ZNF536: variants seen among roughly 807,000 people sequenced by gnomAD.
ZNF536 encodes the protein zinc finger protein 536.
Under a neutral mutation model 84.5 loss-of-function variants are expected in ZNF536, and 13 were observed. The ratio of observed to expected loss-of-function variants is 0.15; its 90% confidence interval spans 0.10 to 0.24. ZNF536 has a LOEUF of 0.24. Among genes scored for constraint, ZNF536 ranks in the 10% least tolerant of loss-of-function variants. ZNF536 has a pLI of 1.00. For synonymous variants in ZNF536, 811 were observed against 742.5 expected (o/e 1.09, Z -1.50); for missense variants, 1,536 against 1,747.5 (o/e 0.88, Z 2.16).
intron 1 of ZNF536, among the ~76,000 whole-genome samples, chr19:30,640,311 C>G (rs1208302914): frequency 6.6e-6 from 1 of 151,956 alleles, no homozygotes; most frequent in African/African-American, 2.4e-5. Flanking sequence ...TTTCATGCAG[C>G]TTTTCTAGTT....
At chr19:30,395,923 T>C (rs2049796527) in intron 1 of ZNF536, among the ~76,000 whole-genome samples, 1 of 152,176 alleles carries the variant, frequency 6.6e-6, no homozygotes, top group African/African-American at 2.4e-5. Flanking sequence ...TCCTCGCTAT[T>C]AACATCCCCC....
chr19:30,601,178 A>C (rs1166860620), intron 1 of ZNF536, among the ~76,000 whole-genome samples: 2 of 152,308 alleles, frequency 1.3e-5, no homozygotes, highest in Admixed American at 1.3e-4. Context: ...TTTATTTGAC[A>C]TATGGGGAAA....
At chr19:30,271,299 C>CT (rs781528411) in intron 1 of ZNF536, among the ~76,000 whole-genome samples, 24,868 of 111,264 alleles carry the variant, frequency 0.22, 2,946 homozygotes, top group Non-Finnish European at 0.32. Flanking sequence ...TTTTTCTTTT[C>CT]TTTTTTTTTT....
Position 30,445,421 on chromosome 19 carries a change from T to C in ZNF536, c.1859T>C (p.Leu620Pro). 1 of 1,614,058 alleles carries C rather than the reference T, an allele frequency of 6.2e-7. No homozygotes were observed. Residue 620 changes from leucine (L) to proline (P), a missense_variant, in exon 2 of 5, where the codon CTG becomes CCG. This residue lies in a region of ZNF536 where 366 missense variants were observed against 364.4 expected (regional missense o/e 1.00). Transcript: ENST00000355537. The surrounding 1 kb of genome is among the most constrained non-coding windows in gnomAD (Gnocchi z 4.5). ...CTGAACCAGACTCTCGAGTATAACC[T>C]GCAGGGTCCTGGGAACATGAAGGAG... is the stretch of plus-strand genomic sequence containing the variant. ...HGLNQTLEYNLQGPGNMKEKP... is the reference protein window; with the variant it reads ...HGLNQTLEYNPQGPGNMKEKP...
rs2148215189 is a variant in ZNF536, at chr19:30,445,203, C to T, written c.1641C>T (p.Asn547=). 6.2e-7 allele frequency: 1 copy of T among 1,614,198 alleles called. No homozygotes were observed. Among genetic ancestry groups the T allele is most frequent in the Non-Finnish European group, 8.5e-7 (1 of 1,180,038 alleles). ...FLSKEHPLQR[N]HEDTLANAGV... ...CTAAAGAGCATCCGCTGCAGCGCAA[C>T]CACGAAGACACTTTGGCAAACGCCG... Residue 547 remains asparagine, a synonymous_variant, in exon 2 of 5, where the codon AAC becomes AAT. Transcript: ENST00000355537. This position sits in a 1 kb window ranked among gnomAD's most constrained non-coding sequence, Gnocchi z 4.5.
In ZNF536 at chr19:30,507,895, A is replaced by G. The variant is rs140566945; in HGVS notation, c.2171-26952A>G. 3.5e-4 allele frequency among the ~76,000 whole-genome samples: 53 copies of G among 152,200 alleles called. No individual in the cohort carries two copies. The East Asian group carries it at 7.3e-3, about 21-fold the overall frequency. On this transcript the variant is annotated intron_variant, in intron 2 of 4. Coordinates refer to ENST00000355537, the MANE Select transcript of ZNF536 (RefSeq NM_014717.3). ...GCCCATGCTTTTTTCTTTCTCAGGT[A>G]TTATCACATTTAGTTATCTGAGTAA...
chr19:30,285,254 C>T (rs1388931566), intron 2 of ZNF536, among the ~76,000 whole-genome samples: 3 of 152,086 alleles, frequency 2.0e-5, no homozygotes, highest in African/African-American at 7.2e-5. Flanking sequence ...GATTTTTTCC[C>T]CTTTAACATA....
chr19:30,638,822 C>T (rs1387120634), intron 1 of ZNF536, among the ~76,000 whole-genome samples: 1 of 152,198 alleles, frequency 6.6e-6, no homozygotes, highest in Non-Finnish European at 1.5e-5. Context: ...GAACAGGACA[C>T]ATTGCTGTAT....
intron 1 of ZNF536, among the ~76,000 whole-genome samples, chr19:30,411,088 C>T (rs1005728719): frequency 6.6e-6 from 1 of 151,950 alleles, no homozygotes; most frequent in African/African-American, 2.4e-5. Context: ...ATTCTTTCTC[C>T]AATTAAAAAA....
intron 1 of ZNF536, among the ~76,000 whole-genome samples, chr19:30,389,417 A>G (rs1423184391): frequency 6.6e-6 from 1 of 151,694 alleles, no homozygotes; most frequent in Non-Finnish European, 1.5e-5. Context: ...AGACCCTTGT[A>G]AAAAAAAATT....
At chr19:30,356,442 A>C (rs2048098671) in intron 3 of ZNF536, among the ~76,000 whole-genome samples, 1 of 152,212 alleles carries the variant, frequency 6.6e-6, no homozygotes, top group South Asian at 2.1e-4. Flanking sequence ...TCCTTCCTGC[A>C]GCAGTAATTA....
At chr19:30,347,680 G>T (rs574832550) in intron 2 of ZNF536, among the ~76,000 whole-genome samples, 2 of 152,330 alleles carry the variant, frequency 1.3e-5, no homozygotes, top group South Asian at 4.1e-4. Context: ...TAGTAGGATT[G>T]CACTGAGGTA....
At chr19:30,344,554 T>C (rs1036220) in intron 2 of ZNF536, among the ~76,000 whole-genome samples, 86,482 of 151,210 alleles carry the variant, frequency 0.57, 25,172 homozygotes, top group East Asian at 0.81. Flanking sequence ...GCACTGGATC[T>C]TGTGCCTTGG....
chr19:30,569,010 G>A (rs374866748), intron 1 of ZNF536, among the ~76,000 whole-genome samples: 13 of 152,254 alleles, frequency 8.5e-5, no homozygotes, highest in African/African-American at 2.9e-4. Context: ...TTAATGCGAT[G>A]AGCTGGTAGC....
chr19:30,339,003 G>A (rs2047477819), intron 2 of ZNF536, among the ~76,000 whole-genome samples: 1 of 152,072 alleles, frequency 6.6e-6, no homozygotes. Context: ...TGTCAGCTTG[G>A]TCCCTCCTCT....
At chr19:30,689,903 G>A (rs1029224544) in intron 1 of ZNF536, among the ~76,000 whole-genome samples, 1 of 152,212 alleles carries the variant, frequency 6.6e-6, no homozygotes, top group African/African-American at 2.4e-5. Context: ...ACCAGAAAGT[G>A]AAAATTTCAG....
chr19:30,571,240 A>G (rs956386003), intron 1 of ZNF536, among the ~76,000 whole-genome samples: 4 of 152,106 alleles, frequency 2.6e-5, no homozygotes, highest in African/African-American at 9.7e-5. Flanking sequence ...TCAAAAGTCT[A>G]GTTCAAGCTG....
chr19:30,321,076 C>T (rs2046840174), intron 2 of ZNF536, among the ~76,000 whole-genome samples: 1 of 152,166 alleles, frequency 6.6e-6, no homozygotes, highest in Non-Finnish European at 1.5e-5. Context: ...GGCTCTGGCT[C>T]CAGGGTCAGG....
intron 1 of ZNF536, among the ~76,000 whole-genome samples, chr19:30,439,885 G>T (rs1374648958): frequency 6.6e-6 from 1 of 151,906 alleles, no homozygotes; most frequent in Admixed American, 6.6e-5. Flanking sequence ...TGGACACCTA[G>T]ACTGTGAGAG....
Sources: allele counts gnomAD v4.1 joint callset (sites outside exome capture counted in the v4.1 genomes callset), GRCh38; gene constraint gnomAD v4.1.1; regional missense constraint gnomAD v4.1.1; non-coding constraint Gnocchi (gnomAD v3.1); transcripts MANE v1.5; gene names NCBI Gene and HGNC (gene_info 2026-07-23, HGNC 2026-07-21).